EYS: variants seen among roughly 807,000 people sequenced by gnomAD.
EYS encodes EGF-like photoreceptor maintenance factor.
Under a neutral mutation model 282.1 loss-of-function variants are expected in EYS, and 250 were observed. That is an observed-to-expected ratio of 0.89 (90% confidence interval 0.80 to 0.98). The LOEUF (loss-of-function observed/expected upper bound fraction) is 0.98. EYS is among the 50% of genes least tolerant of loss of function. The pLI is 0.00. For missense variants in EYS, 4,016 were observed against 3,709.0 expected (o/e 1.08, Z -2.15); for synonymous variants, 1,355 against 1,282.9 (o/e 1.06, Z -1.20).
chr6:64,815,097 T>A (rs1764709104), intron 21 of EYS: 1 of 276,432 alleles, frequency 3.6e-6, no homozygotes, highest in Admixed American at 5.3e-5. Flanking sequence ...AATTGTGCAC[T>A]TCAGTATAAT....
intron 28 of EYS, among the ~76,000 whole-genome samples, chr6:64,434,194 A>G (rs1464751631): frequency 6.6e-6 from 1 of 152,060 alleles, no homozygotes; most frequent in Non-Finnish European, 1.5e-5. Flanking sequence ...ACAGCCATCT[A>G]CAAGCAAAAG....
At chr6:65,634,457 C>A (rs1430891009) in intron 2 of EYS, among the ~76,000 whole-genome samples, 1 of 152,126 alleles carries the variant, frequency 6.6e-6, no homozygotes, top group East Asian at 1.9e-4. Flanking sequence ...CATTTTACTC[C>A]TTTATCTACA....
intron 13 of EYS, among the ~76,000 whole-genome samples, chr6:65,053,979 C>T (rs1773345609): frequency 6.6e-6 from 1 of 151,858 alleles, no homozygotes; most frequent in South Asian, 2.1e-4. Flanking sequence ...CACTAACAGG[C>T]TCAGAGCGAA....
At chr6:64,589,572 C>T (rs1161361521) in intron 26 of EYS, among the ~76,000 whole-genome samples, 2 of 151,918 alleles carry the variant, frequency 1.3e-5, no homozygotes, top group Non-Finnish European at 2.9e-5. Context: ...ATTTAAAATA[C>T]GCTTTAAAGT....
intron 18 of EYS, among the ~76,000 whole-genome samples, chr6:64,898,514 A>AC: frequency 6.6e-6 from 1 of 152,172 alleles, no homozygotes; most frequent in East Asian, 1.9e-4. Flanking sequence ...AAATGTAAAG[A>AC]CCATTGACAC....
chr6:63,774,117 C>T (rs1020618817), intron 40 of EYS, among the ~76,000 whole-genome samples: 1 of 151,936 alleles, frequency 6.6e-6, no homozygotes, highest in African/African-American at 2.4e-5. Context: ...TTGTCTGTGC[C>T]ACTCATTTTA....
intron 13 of EYS, among the ~76,000 whole-genome samples, chr6:65,013,411 G>T (rs1348506730): frequency 6.6e-6 from 1 of 152,136 alleles, no homozygotes; most frequent in South Asian, 2.1e-4. Context: ...GGAGGTGGGG[G>T]GCAGGTGTTT....
intron 19 of EYS, among the ~76,000 whole-genome samples, chr6:64,840,784 T>A (rs1435537295): frequency 6.6e-6 from 1 of 152,126 alleles, no homozygotes; most frequent in African/African-American, 2.4e-5. Context: ...AATATGATCT[T>A]TATCACTAGA....
intron 36 of EYS, among the ~76,000 whole-genome samples, chr6:63,827,304 A>G (rs1335251919): frequency 6.6e-6 from 1 of 152,206 alleles, no homozygotes; most frequent in Admixed American, 6.5e-5. Context: ...GAAATGAGAC[A>G]GTCAGCAACA....
chr6:64,784,486 C>G (rs2149995999), intron 22 of EYS, among the ~76,000 whole-genome samples: 1 of 152,116 alleles, frequency 6.6e-6, no homozygotes, highest in East Asian at 1.9e-4. Context: ...ATTGTCTTCC[C>G]CCTTTACTGG....
intron 22 of EYS, among the ~76,000 whole-genome samples, chr6:64,705,489 ATGG>A (rs1770972502): frequency 6.6e-6 from 1 of 152,046 alleles, no homozygotes; most frequent in Admixed American, 6.6e-5. Context: ...TAAAATTCAT[ATGG>A]AACCAAAAAA....
At chr6:65,110,748 T>C (rs1316228768) in intron 12 of EYS, among the ~76,000 whole-genome samples, 1 of 152,152 alleles carries the variant, frequency 6.6e-6, no homozygotes, top group Non-Finnish European at 1.5e-5. Flanking sequence ...GGAATGGATG[T>C]AGCATTGTGT....
intron 2 of EYS, among the ~76,000 whole-genome samples, chr6:65,533,036 A>G (rs563961229): frequency 6.6e-6 from 1 of 152,182 alleles, no homozygotes; most frequent in South Asian, 2.1e-4. Context: ...TTTGTTTTTA[A>G]TTAAAAATAT....
intron 22 of EYS, among the ~76,000 whole-genome samples, chr6:64,763,021 G>C (rs1316426214): frequency 6.6e-6 from 1 of 152,062 alleles, no homozygotes; most frequent in Non-Finnish European, 1.5e-5. Context: ...TTCTGAATGG[G>C]AATTATGAAC....
At chr6:64,880,959 A>C (rs1010975449) in intron 19 of EYS, among the ~76,000 whole-genome samples, 2 of 151,020 alleles carry the variant, frequency 1.3e-5, no homozygotes, top group African/African-American at 2.4e-5. Context: ...TTTTGATCAT[A>C]GCTTTCTGTC....
chr6:64,950,835 T>TATATATATATATATATA (rs1562272809), intron 14 of EYS, among the ~76,000 whole-genome samples: 17 of 50,150 alleles, frequency 3.4e-4, no homozygotes, highest in African/African-American at 7.9e-4. Context: ...ATATATATAT[T>TATATATATATATATATA]GTTGAATTGT....
rs1015845649 is a variant in EYS at position 64,266,966 on chromosome 6, T to C, written c.6192-36142A>G. 4.6e-5 allele frequency among the ~76,000 whole-genome samples: 7 copies of C among 152,332 alleles called. No individual in the cohort carries two copies. The South Asian group carries it at 8.3e-4, about 18-fold the overall frequency. On this transcript the variant is annotated intron_variant, in intron 30 of 42. Transcript: ENST00000503581. ...GAAGAAAGCACTTGCTTATGGGCTA[T>C]GTATTCTATTTAAAAAAGCAAGAAA...
At chr6:65,354,537 G>C (rs979244670) in intron 8 of EYS, among the ~76,000 whole-genome samples, 3 of 151,932 alleles carry the variant, frequency 2.0e-5, no homozygotes, top group African/African-American at 7.3e-5. Context: ...AAAAATTGGC[G>C]AGGCGTGGTG....
At chr6:64,200,247 T>C (rs776758152) in intron 31 of EYS, among the ~76,000 whole-genome samples, 1 of 151,984 alleles carries the variant, frequency 6.6e-6, no homozygotes, top group Non-Finnish European at 1.5e-5. Flanking sequence ...CATTATATTC[T>C]AATGGTGGAC....
Sources: gnomAD v4.1 joint callset for allele counts (sites outside exome capture counted in the v4.1 genomes callset) on GRCh38, gnomAD v4.1.1 for gene constraint, MANE v1.5 for transcripts, NCBI Gene and HGNC (gene_info 2026-07-23, HGNC 2026-07-21) for gene names.